Variants in RHD observed in about 807,000 individuals in gnomAD.
RHD encodes the protein Rh blood group D antigen, also known as blood group Rh(D) polypeptide.
Under a neutral mutation model 45.5 loss-of-function variants are expected in RHD, and 16 were observed. That is an observed-to-expected ratio of 0.35 (90% CI 0.24 to 0.53). RHD has a LOEUF of 0.53. Among genes scored for constraint, RHD ranks in the 20% least tolerant of loss-of-function variants. RHD has a pLI of 0.92. For missense variants in RHD, 306 were observed against 532.0 expected (o/e 0.58, Z 4.18); for synonymous variants, 131 against 217.5 (o/e 0.60, Z 3.50).
In RHD at chr1:25,279,283, C is replaced by T. The variant is rs1306030842; in HGVS notation, c.149-5290C>T. ...ACCCAATGCTGGGCGAAGTGACTTG[C>T]ATGAGCCAGCGAGCTCAATGCTCAT... On this transcript the variant is annotated intron_variant, in intron 1 of 9. Transcript: ENST00000328664. Among the ~76,000 whole-genome samples the T allele has an allele frequency of 1.6e-5, 2 of 128,444 alleles. 1 individual carries two copies. Among genetic ancestry groups the T allele is most frequent in the Non-Finnish European group, 3.7e-5 (2 of 54,688 alleles). The allele number at this position is 128,444 out of a possible 152,430, so 84.3% of individuals were successfully genotyped here.
intron 1 of RHD, among the ~76,000 whole-genome samples, chr1:25,276,473 G>A (rs1195200169): frequency 1.0e-4 from 11 of 109,896 alleles, no homozygotes; most frequent in African/African-American, 3.7e-4. Context: ...GGGGAGGATC[G>A]CTTAAACCAA....
chr1:25,297,437 C>G lies in RHD; in HGVS notation c.487-3509C>G, dbSNP rs551224745. On this transcript the variant is annotated intron_variant, in intron 3 of 9. Transcript: ENST00000328664. Reference sequence around the variant, plus strand: ...TTTCCCCTTTGTAATTAATAAACATCTTGTGAGGAGATAATTTCCTATAGA... The same window carrying G: ...TTTCCCCTTTGTAATTAATAAACATGTTGTGAGGAGATAATTTCCTATAGA... 1.0e-4 allele frequency among the ~76,000 whole-genome samples: 11 copies of G among 107,164 alleles called. No homozygotes were observed. The East Asian group carries it at 2.2e-3, about 22-fold the overall frequency. 70.3% of individuals were successfully genotyped at this position (107,164 alleles called of 152,430 possible).
At chr1:25,297,159 T>G (rs1453771730) in intron 3 of RHD, among the ~76,000 whole-genome samples, 1 of 100,312 alleles carries the variant, frequency 1.0e-5, no homozygotes, top group Non-Finnish European at 2.4e-5. Context: ...TCATCTTTCT[T>G]TATCTTTCAT....
At chr1:25,276,819 C>A (rs1641040902) in intron 1 of RHD, among the ~76,000 whole-genome samples, 1 of 132,890 alleles carries the variant, frequency 7.5e-6, no homozygotes, top group Admixed American at 7.3e-5. Flanking sequence ...GTAATCCCAG[C>A]ACTTTGGGAG....
rs1317275723 is a variant in RHD at position 25,299,876 on chromosome 1, G to A, written c.487-1070G>A. ...GTGAATCTCCTGCATCAGCCTCCCA[G>A]GTAGATAGGATTACAAGCAAGCATC... On this transcript the variant is annotated intron_variant, in intron 3 of 9. Coordinates refer to ENST00000328664, the MANE Select transcript of RHD (RefSeq NM_016124.6). Among the ~76,000 whole-genome samples, 3 of 130,970 alleles carry A rather than the reference G, an allele frequency of 2.3e-5. 1 individual carries two copies. Among genetic ancestry groups the A allele is most frequent in the Admixed American group, 7.4e-5 (1 of 13,446 alleles). 85.9% of individuals were successfully genotyped at this position (130,970 alleles called of 152,430 possible).
rs1258119832 is a variant in RHD at position 25,300,902 on chromosome 1, C to T, written c.487-44C>T. 2.2e-6 allele frequency: 3 copies of T among 1,367,976 alleles called. 1 individual carries two copies. The highest frequency in any genetic ancestry group is 3.1e-6 in the Non-Finnish European group (3 of 972,892). 84.7% of individuals were successfully genotyped at this position (1,367,976 alleles called of 1,614,324 possible). A position where few individuals can be genotyped will look rare whatever the true frequency, so the allele number is the denominator to read the frequency against. On this transcript the variant is annotated intron_variant, in intron 3 of 9. Coordinates refer to ENST00000328664, the MANE Select transcript of RHD (RefSeq NM_016124.6). ...AAGGACTATCAGGGCTTGCCCCGGG[C>T]AGAGGATGCCGACACTCACTGCTCT...
intron 2 of RHD, among the ~76,000 whole-genome samples, chr1:25,285,028 T>C (rs1423944990): frequency 7.4e-6 from 1 of 135,100 alleles, no homozygotes; most frequent in Admixed American, 7.1e-5. Flanking sequence ...TTATTGTCGA[T>C]TATGATTTTG....
intron 1 of RHD, among the ~76,000 whole-genome samples, chr1:25,277,445 C>T (rs1308738992): frequency 7.5e-6 from 1 of 133,496 alleles, no homozygotes. Context: ...TGGGGCCCAG[C>T]AGTCTGTGTT....
rs1644233007 is a variant in RHD, at chr1:25,312,934, A to AAAAAAAAAAAAAAAAAAAAAAC, written c.1074-4065_1074-4044dup. Among the ~76,000 whole-genome samples the AAAAAAAAAAAAAAAAAAAAAAC allele has an allele frequency of 2.0e-5, 2 of 101,260 alleles. 1 individual carries two copies. The highest frequency in any genetic ancestry group is 6.4e-4 in the South Asian group (2 of 3,124). 66.4% of individuals were successfully genotyped at this position (101,260 alleles called of 152,430 possible). The stretch of plus-strand genomic sequence containing the variant: ...AATCCCATCTCTAAAAAAAAAAAAA[A>AAAAAAAAAAAAAAAAAAAAAAC]AAAAAAAAAAAAAAAAAAAAACTTT... On this transcript the variant is annotated intron_variant, in intron 7 of 9. Coordinates refer to ENST00000328664, the MANE Select transcript of RHD (RefSeq NM_016124.6).
intron 1 of RHD, among the ~76,000 whole-genome samples, chr1:25,283,668 G>T (rs1326498047): frequency 7.5e-6 from 1 of 133,988 alleles, no homozygotes; most frequent in South Asian, 2.2e-4. Context: ...AAACAAGATA[G>T]TCTATGTAAA....
At position 25,303,201 on chromosome 1, in the gene RHD, G is replaced by A. The variant is rs1348403440; in HGVS notation, c.802-121G>A. 9.8e-6 allele frequency: 10 copies of A among 1,019,954 alleles called. No homozygotes were observed. In the African/African-American group the frequency reaches 1.4e-4, roughly 14 times the overall value. The allele number at this position is 1,019,954 out of a possible 1,614,324, so 63.2% of individuals were successfully genotyped here. On this transcript the variant is annotated intron_variant, in intron 5 of 9. Transcript: ENST00000328664. ...CCAACACAGGGGAGAAGTGGTTTCAGGATCAGCAAAGCAGGGAGGATGTTA... is the reference window on the plus strand; with the variant it reads ...CCAACACAGGGGAGAAGTGGTTTCAAGATCAGCAAAGCAGGGAGGATGTTA...
Position 25,329,395 on chromosome 1 carries a change from C to G in RHD, c.*471C>G, listed in dbSNP as rs544946241. 3.1e-4 allele frequency: 90 copies of G among 289,816 alleles called. 17 individuals are homozygous for G. Among genetic ancestry groups the G allele is most frequent in the Admixed American group, 6.5e-4 (13 of 20,130 alleles). 18.0% of individuals were successfully genotyped at this position (289,816 alleles called of 1,614,324 possible). A position where few individuals can be genotyped will look rare whatever the true frequency, so the allele number is the denominator to read the frequency against. On this transcript the variant is annotated 3_prime_UTR_variant, in exon 10 of 10. Coordinates refer to ENST00000328664, the MANE Select transcript of RHD (RefSeq NM_016124.6). ...AAGTAGCTGGGATTACAGGCACCCA[C>G]CACATCTGGCTAATTTTTTGTATTT...
intron 8 of RHD, among the ~76,000 whole-genome samples, chr1:25,321,585 G>A (rs1447448326): frequency 1.6e-5 from 2 of 125,294 alleles, no homozygotes; most frequent in African/African-American, 5.4e-5. Context: ...CAGGATAATC[G>A]CTTGAACCTG....
rs779585806 is a variant in RHD at position 25,306,732 on chromosome 1, G to A, written c.1073+3G>A. The A allele has an allele frequency of 1.0e-5, 14 of 1,376,596 alleles. 2 individuals are homozygous for A. In the South Asian group the frequency reaches 1.7e-4, roughly 16 times the overall value. 85.3% of individuals were successfully genotyped at this position (1,376,596 alleles called of 1,614,324 possible). ...ACCGTCGGAGCCGGCAATGGCATGT[G>A]GGTCACTGGGCTTACCCCCCATCCC... On this transcript the variant is annotated splice_donor_region_variant and intron_variant, in intron 7 of 9. Coordinates refer to ENST00000328664, the MANE Select transcript of RHD (RefSeq NM_016124.6).
At chr1:25,319,628 C>T (rs1644589773) in intron 8 of RHD, among the ~76,000 whole-genome samples, 1 of 132,042 alleles carries the variant, frequency 7.6e-6, no homozygotes, top group African/African-American at 2.6e-5. Context: ...AACAAAACAA[C>T]TTGGACAATG....
chr1:25,310,798 G>A (rs1425836257), intron 7 of RHD, among the ~76,000 whole-genome samples: 9 of 131,722 alleles, frequency 6.8e-5, no homozygotes, highest in East Asian at 3.9e-4. Context: ...ATGGTGAAAC[G>A]CTGTTTCTAC....
Position 25,307,159 on chromosome 1 carries a change from C to T in RHD, c.1073+430C>T, listed in dbSNP as rs1399972467. Among the ~76,000 whole-genome samples, 2 of 132,360 alleles carry T rather than the reference C, an allele frequency of 1.5e-5. 1 individual carries two copies. The highest frequency in any genetic ancestry group is 3.6e-5 in the Non-Finnish European group (2 of 55,960). The allele number at this position is 132,360 out of a possible 152,430, so 86.8% of individuals were successfully genotyped here. On this transcript the variant is annotated intron_variant, in intron 7 of 9. Coordinates refer to ENST00000328664, the MANE Select transcript of RHD (RefSeq NM_016124.6). ...AATGGAGATAATGATACTATCTCCC[C>T]TCACAGGACTGTTGGGATGCTACTG... is the stretch of plus-strand genomic sequence containing the variant.
rs1641507217 is a variant in RHD, at chr1:25,281,776, A to T, written c.149-2797A>T. On this transcript the variant is annotated intron_variant, in intron 1 of 9. Transcript: ENST00000328664. ...TGCCCACTTCTCACCCACGCCCCAA[A>T]TCCCCAGGTCCCATGGAGGTCCTTG... Among the ~76,000 whole-genome samples, 2 of 131,300 alleles carry T rather than the reference A, an allele frequency of 1.5e-5. 1 individual carries two copies. The highest frequency in any genetic ancestry group is 4.7e-4 in the South Asian group (2 of 4,234). 86.1% of individuals were successfully genotyped at this position (131,300 alleles called of 152,430 possible).
chr1:25,285,204 G>A (rs1413773737), intron 2 of RHD, among the ~76,000 whole-genome samples: 3 of 130,152 alleles, frequency 2.3e-5, no homozygotes, highest in East Asian at 1.9e-4. Flanking sequence ...GCGCTATCTC[G>A]GCACACCACA....
Sources: allele counts gnomAD v4.1 joint callset (sites outside exome capture counted in the v4.1 genomes callset), GRCh38; gene constraint gnomAD v4.1.1; transcripts MANE v1.5; gene names NCBI Gene and HGNC (gene_info 2026-07-23, HGNC 2026-07-21).